NPHP3: variants seen among roughly 807,000 people sequenced by gnomAD.
The protein encoded by NPHP3 is nephrocystin-3.
A neutral mutation model predicts 171.9 loss-of-function variants in NPHP3; 123 were observed. That is an observed-to-expected ratio of 0.72 (90% CI 0.62 to 0.83). The LOEUF (loss-of-function observed/expected upper bound fraction) is 0.83. Ranked by LOEUF, NPHP3 falls within the 40% of genes least tolerant of loss-of-function variation. The pLI, the probability that NPHP3 is intolerant of heterozygous loss-of-function variation, is 0.00. For missense variants in NPHP3, 1,506 were observed against 1,591.9 expected (o/e 0.95, Z 0.92); for synonymous variants, 558 against 579.2 (o/e 0.96, Z 0.52).
intron 4 of NPHP3, 54 bp from the exon 5 acceptor site, chr3:132,715,272 A>T (rs1174459161): frequency 6.5e-7 from 1 of 1,537,452 alleles, no homozygotes; most frequent in African/African-American, 1.4e-5. Context: ...ACATTTGATC[A>T]TTCTAAAAAA....
rs1453152802 is a variant in NPHP3 at position 132,716,887 on chromosome 3, A to G, written c.693T>C (p.Tyr231=). ...CACTTCCCAAGGCTCCGCCAGTCCA[A>G]TATTCACATTGGGTTCCAGCAGCTG... ...DVTAAGTQCE[Y]WTGGALGSEP... is the part of the protein sequence containing the mutation. Residue 231 remains tyrosine (Y), a synonymous_variant, in exon 4 of 27, where the codon TAT becomes TAC. Coordinates refer to ENST00000337331, the MANE Select transcript of NPHP3 (RefSeq NM_153240.5). The G allele has an allele frequency of 1.2e-6, 2 of 1,614,012 alleles. No individual in the cohort carries two copies. The highest frequency in any genetic ancestry group is 1.7e-6 in the Non-Finnish European group (2 of 1,180,030).
intron 13 of NPHP3, among the ~76,000 whole-genome samples, chr3:132,697,727 A>C (rs895505511): frequency 1.3e-5 from 2 of 152,236 alleles, no homozygotes; most frequent in Non-Finnish European, 2.9e-5. Context: ...CTTGTAATGC[A>C]ACTGAAATTT....
upstream of NPHP3, chr3:132,722,409 CGGAACGGGACGGGGTGGGGCAGA>C: frequency 7.2e-7 from 1 of 1,385,142 alleles, no homozygotes; most frequent in Non-Finnish European, 9.7e-7. Flanking sequence ...GGCAGCGGAA[CGGAACGGGACGGGGTGGGGCAGA>C]GGAACGGAAC....
At position 132,700,525 on chromosome 3, in the gene NPHP3, G is replaced by A. The variant is rs1404204353; in HGVS notation, c.1629-77C>T. On this transcript the variant is annotated intron_variant, in intron 10 of 26. Transcript: ENST00000337331. ...CAATAAAAAAAGAATTCACAATGCAGTAAACATCAAATGTTGCCTAACTGA... is the reference window on the plus strand; with the variant it reads ...CAATAAAAAAAGAATTCACAATGCAATAAACATCAAATGTTGCCTAACTGA... 3 of 829,764 alleles carry A rather than the reference G, an allele frequency of 3.6e-6. No homozygotes were observed. The Admixed American group carries it at 6.8e-5, about 19-fold the overall frequency. The allele number at this position is 829,764 out of a possible 1,614,324, so 51.4% of individuals were successfully genotyped here. A position where few individuals can be genotyped will look rare whatever the true frequency, so the allele number is the denominator to read the frequency against.
Position 132,704,317 on chromosome 3 carries a change from C to A in NPHP3, c.1405G>T (p.Asp469Tyr). ...AAATCATCTTCTTCTGGAATGGAAT[C>A]CTCACTGCCCAAATCCTTAGTCTCC... ...DLETKDLGSE[D>Y]SIPEEDDFGD... Residue 469 changes from aspartate (D) to tyrosine (Y), a missense_variant, in exon 9 of 27, where the codon GAT becomes TAT. Physicochemically the swap from Asp to Tyr is radical, Grantham distance 160. Transcript: ENST00000337331. 1.2e-6 allele frequency: 2 copies of A among 1,614,166 alleles called. No individual in the cohort carries two copies. The highest frequency in any genetic ancestry group is 8.5e-7 in the Non-Finnish European group (1 of 1,180,036).
chr3:132,701,973 C>A (rs1035204714), intron 9 of NPHP3, among the ~76,000 whole-genome samples: 1 of 152,124 alleles, frequency 6.6e-6, no homozygotes, highest in Non-Finnish European at 1.5e-5. Flanking sequence ...TTGCAGTGAG[C>A]CGAGACAGTG....
Position 132,684,799 on chromosome 3 carries a change from G to T in NPHP3, c.3330-5C>A. On this transcript the variant is annotated splice_polypyrimidine_tract_variant and splice_region_variant and intron_variant, in intron 23 of 26. Coordinates refer to ENST00000337331, the MANE Select transcript of NPHP3 (RefSeq NM_153240.5). ...TTCAGAAACTGGTCAGCTGTTCTGT[G>T]AACACAATCCCAAAATGGCTTAAAC... 6.2e-7 allele frequency: 1 copy of T among 1,612,422 alleles called. No homozygotes were observed. The highest frequency in any genetic ancestry group is 1.1e-5 in the South Asian group (1 of 91,006).
chr3:132,685,847 C>G, intron 23 of NPHP3: 1 of 192,446 alleles, frequency 5.2e-6, no homozygotes, highest in South Asian at 9.2e-5. Flanking sequence ...GTCAGGAGAT[C>G]GAGACCATCC....
At chr3:132,721,347 G>A (rs1473149592) in intron 1 of NPHP3, 2 of 162,498 alleles carry the variant, frequency 1.2e-5, no homozygotes, top group African/African-American at 2.4e-5. Flanking sequence ...TTTCAACCAT[G>A]GTGAGATCAG....
At chr3:132,706,142 G>C (rs940766598) in intron 7 of NPHP3, among the ~76,000 whole-genome samples, 2 of 152,040 alleles carry the variant, frequency 1.3e-5, no homozygotes, top group Admixed American at 6.6e-5. Flanking sequence ...GGCGGTTCAC[G>C]AAGTCAGGAG....
At chr3:132,692,515 T>C (rs1399500188) in intron 17 of NPHP3, 139 bp downstream of exon 17, 6 of 724,476 alleles carry the variant, frequency 8.3e-6, no homozygotes, top group East Asian at 5.4e-5. Flanking sequence ...TTGTTAACTA[T>C]AGGGACAATG....
rs141410951 is a variant in NPHP3, at chr3:132,719,816, C to G, written c.408G>C (p.Thr136=). The change falls in exon 2 of 27, where the codon ACG becomes ACC. Residue 136 remains threonine (T), a synonymous_variant. Transcript: ENST00000337331. The part of the protein sequence containing the change: ...LRAELQALQK[T]YQKILREKES... Reference sequence around the variant, plus strand: ...CTTTTTCTCGAAGTATCTTCTGATACGTTTTTTGAAGTGCCTAGAATAATT... The same window carrying G: ...CTTTTTCTCGAAGTATCTTCTGATAGGTTTTTTGAAGTGCCTAGAATAATT... The G allele has an allele frequency of 6.3e-7, 1 of 1,588,732 alleles. No homozygotes were observed. The highest frequency in any genetic ancestry group is 1.3e-5 in the African/African-American group (1 of 74,456).
At chr3:132,712,118 A>G (rs1236546135) in intron 6 of NPHP3, among the ~76,000 whole-genome samples, 1 of 152,252 alleles carries the variant, frequency 6.6e-6, no homozygotes, top group Non-Finnish European at 1.5e-5. Flanking sequence ...TGGTGAAAAA[A>G]AATCTTTACT....
Position 132,689,273 on chromosome 3 carries a change from C to G in NPHP3, c.2694-10G>C. ...CTCAGCAAAGTGTCCCCTGTTTCAACAAATAACAGTACTTTAATGAAAAAC... is the reference window on the plus strand; with the variant it reads ...CTCAGCAAAGTGTCCCCTGTTTCAAGAAATAACAGTACTTTAATGAAAAAC... On this transcript the variant is annotated splice_polypyrimidine_tract_variant and intron_variant, in intron 19 of 26. Transcript: ENST00000337331. 6.2e-7 allele frequency: 1 copy of G among 1,613,708 alleles called. No individual in the cohort carries two copies. The highest frequency in any genetic ancestry group is 1.6e-4 in the Middle Eastern group (1 of 6,062).
chr3:132,686,670 T>C (rs1384096131), intron 22 of NPHP3, among the ~76,000 whole-genome samples: 3 of 152,146 alleles, frequency 2.0e-5, no homozygotes, highest in African/African-American at 7.2e-5. Context: ...TATAATTAAT[T>C]TGCAGATATT....
At chr3:132,721,584 C>T (rs961526770) in intron 1 of NPHP3, 2 of 352,804 alleles carry the variant, frequency 5.7e-6, no homozygotes, top group Admixed American at 7.9e-5. Context: ...TTGGCATTTG[C>T]CTCCTCAGGA....
At chr3:132,706,134 C>T (rs930666402) in intron 7 of NPHP3, among the ~76,000 whole-genome samples, 8 of 151,902 alleles carry the variant, frequency 5.3e-5, no homozygotes, top group South Asian at 2.1e-4. Context: ...TCGAGGTGGG[C>T]GGTTCACGAA....
Position 132,683,532 on chromosome 3 carries a change from AC to A in NPHP3, c.3571-9del, listed in dbSNP as rs760909826. 1 of 1,610,216 alleles carries A rather than the reference AC, an allele frequency of 6.2e-7. No individual in the cohort carries two copies. The highest frequency in any genetic ancestry group is 8.5e-7 in the Non-Finnish European group (1 of 1,177,038). The stretch of plus-strand genomic sequence containing the variant: ...AGCTTTGTCAAGTTTCCCCTAAAAA[AC>A]AAGAGTTAAATCTAACAAAAATATA... On this transcript the variant is annotated splice_polypyrimidine_tract_variant and intron_variant, in intron 24 of 26. Coordinates refer to ENST00000337331, the MANE Select transcript of NPHP3 (RefSeq NM_153240.5).
intron 8 of NPHP3, among the ~76,000 whole-genome samples, chr3:132,704,901 G>C (rs1043618093): frequency 1.3e-5 from 2 of 152,142 alleles, no homozygotes; most frequent in Non-Finnish European, 2.9e-5. Flanking sequence ...CCTAAAATTT[G>C]CAAGATTGTG....
Sources: gnomAD v4.1 joint callset for allele counts (sites outside exome capture counted in the v4.1 genomes callset) on GRCh38, gnomAD v4.1.1 for gene constraint, MANE v1.5 for transcripts, NCBI Gene and HGNC (gene_info 2026-07-23, HGNC 2026-07-21) for gene names.